Variants in IQGAP2 observed in about 807,000 individuals in gnomAD.
IQGAP2 encodes the protein IQ motif containing GTPase activating protein 2, also known as ras GTPase-activating-like protein IQGAP2.
Under a neutral mutation model 201.3 loss-of-function variants are expected in IQGAP2, and 173 were observed. The observed-to-expected ratio is 0.86, with a 90% CI of 0.76 to 0.98. The LOEUF (loss-of-function observed/expected upper bound fraction) is 0.98. IQGAP2 is among the 50% of genes least tolerant of loss of function. The probability of loss-of-function intolerance (pLI) is 0.00; values close to 1 mark genes in which losing one functional copy is unlikely to be tolerated. For synonymous variants in IQGAP2, 675 were observed against 673.9 expected (o/e 1.00, Z -0.03); for missense variants, 1,687 against 1,864.8 (o/e 0.90, Z 1.76).
chr5:76,574,931 A>G (rs1745365768), intron 4 of IQGAP2, among the ~76,000 whole-genome samples: 2 of 152,242 alleles, frequency 1.3e-5, no homozygotes, highest in Non-Finnish European at 2.9e-5. Flanking sequence ...AACGAATCAT[A>G]TACATCTATT....
At chr5:76,414,261 T>C (rs1000032028) in intron 1 of IQGAP2, among the ~76,000 whole-genome samples, 1 of 152,196 alleles carries the variant, frequency 6.6e-6, no homozygotes, top group African/African-American at 2.4e-5. Context: ...AGCAGGCTTC[T>C]CAGGGTGGGA....
chr5:76,571,098 TAA>T (rs200735086), intron 4 of IQGAP2, among the ~76,000 whole-genome samples: 9,845 of 132,570 alleles, frequency 0.074, 721 homozygotes, highest in East Asian at 0.43. Context: ...CTGTCTCTAT[TAA>T]AAAAAAAAAA....
chr5:76,550,468 G>C (rs778838917), intron 2 of IQGAP2, among the ~76,000 whole-genome samples: 2 of 151,890 alleles, frequency 1.3e-5, no homozygotes, highest in Non-Finnish European at 2.9e-5. Context: ...GTGAACAAGG[G>C]TCTCTGGTTT....
intron 1 of IQGAP2, among the ~76,000 whole-genome samples, chr5:76,456,499 AGGTTCT>A (rs1754092208): frequency 7.2e-5 from 11 of 152,284 alleles, no homozygotes; most frequent in African/African-American, 2.6e-4. Flanking sequence ...CTTGGACTTT[AGGTTCT>A]CTCATCTTTA....
chr5:76,685,080 A>G (rs1745620320), intron 30 of IQGAP2, among the ~76,000 whole-genome samples: 1 of 152,186 alleles, frequency 6.6e-6, no homozygotes, highest in Non-Finnish European at 1.5e-5. Flanking sequence ...GGTGGAGAGC[A>G]CAGTTCGACA....
chr5:76,586,833 C>A (rs114993561), intron 5 of IQGAP2, among the ~76,000 whole-genome samples: 16 of 152,320 alleles, frequency 1.1e-4, no homozygotes, highest in African/African-American at 3.6e-4. Context: ...GTCCATACAA[C>A]CATCTGGAAG....
At chr5:76,634,296 C>G (rs1750951397) in intron 15 of IQGAP2, among the ~76,000 whole-genome samples, 1 of 151,454 alleles carries the variant, frequency 6.6e-6, no homozygotes, top group Admixed American at 6.6e-5. Context: ...AAGTCTCACT[C>G]TGTCACCCAG....
At chr5:76,550,524 G>A (rs1213488059) in intron 2 of IQGAP2, among the ~76,000 whole-genome samples, 1 of 151,976 alleles carries the variant, frequency 6.6e-6, no homozygotes, top group African/African-American at 2.4e-5. Context: ...TTGTGTCCCT[G>A]GGTACTTGAG....
At chr5:76,688,210 G>A (rs1745956525) in intron 30 of IQGAP2, among the ~76,000 whole-genome samples, 1 of 152,202 alleles carries the variant, frequency 6.6e-6, no homozygotes. Context: ...ATGAAATGCA[G>A]AGCAATTGGG....
Position 76,431,817 on chromosome 5 carries a change from C to CA in IQGAP2, c.46+28244dup, listed in dbSNP as rs11292591. 5.7e-3 allele frequency among the ~76,000 whole-genome samples: 652 copies of CA among 114,076 alleles called. 2 individuals carry two copies. The highest frequency in any genetic ancestry group is 0.013 in the African/African-American group (435 of 32,468). The allele number at this position is 114,076 out of a possible 152,430, so 74.8% of individuals were successfully genotyped here. A position where few individuals can be genotyped will look rare whatever the true frequency, so the allele number is the denominator to read the frequency against. The stretch of plus-strand genomic sequence containing the variant: ...CAGCCTGGCGACAGAGACTCTGTAT[C>CA]AAAAAAAAAAAAAAAAAAGGAATGC... On this transcript the variant is annotated intron_variant, in intron 1 of 35. Coordinates refer to ENST00000274364, the MANE Select transcript of IQGAP2 (RefSeq NM_006633.5).
At chr5:76,648,937 TTG>T (rs141631875) in intron 17 of IQGAP2, among the ~76,000 whole-genome samples, 423 of 152,264 alleles carry the variant, frequency 2.8e-3, no homozygotes, top group African/African-American at 9.7e-3. Context: ...GATTTGACAT[TTG>T]TGTCATCGGA....
intron 2 of IQGAP2, among the ~76,000 whole-genome samples, chr5:76,532,918 G>A (rs1283803425): frequency 9.2e-5 from 14 of 152,234 alleles, no homozygotes; most frequent in Non-Finnish European, 1.8e-4. Flanking sequence ...AGGGGTGCCA[G>A]CACCTCTCTG....
intron 1 of IQGAP2, among the ~76,000 whole-genome samples, chr5:76,436,315 T>C (rs1258792588): frequency 6.6e-6 from 1 of 151,420 alleles, no homozygotes; most frequent in Non-Finnish European, 1.5e-5. Flanking sequence ...GGGAATGCTT[T>C]CAACTTTTCC....
intron 2 of IQGAP2, among the ~76,000 whole-genome samples, chr5:76,464,323 G>T (rs1339363253): frequency 6.6e-6 from 1 of 152,210 alleles, no homozygotes; most frequent in Non-Finnish European, 1.5e-5. Flanking sequence ...TTGAAAAGAT[G>T]AGAGGATTTA....
At chr5:76,586,106 C>A (rs1057218047) in intron 5 of IQGAP2, among the ~76,000 whole-genome samples, 1 of 152,062 alleles carries the variant, frequency 6.6e-6, no homozygotes, top group Admixed American at 6.5e-5. Flanking sequence ...TTGGCATGAA[C>A]CTTTGGTAGT....
chr5:76,461,573 T>G lies in IQGAP2; in HGVS notation c.50T>G (p.Ile17Ser). ...TGTTGTTATCCTCTATTTCTAGCTA[T>G]TGTGGACGATGAAAGGCTCTCTGCA... ...PSLQRPRYGS[I>S]VDDERLSAEE... The change falls in exon 2 of 36, where the codon ATT becomes AGT. Residue 17 changes from isoleucine to serine, a missense_variant. By Grantham distance (142) the Ile-to-Ser change is moderately radical. Coordinates refer to ENST00000274364, the MANE Select transcript of IQGAP2 (RefSeq NM_006633.5). 1 of 1,610,606 alleles carries G rather than the reference T, an allele frequency of 6.2e-7. No individual in the cohort carries two copies. Among genetic ancestry groups the G allele is most frequent in the Non-Finnish European group, 8.5e-7 (1 of 1,176,856 alleles).
In IQGAP2 at chr5:76,538,085, G is replaced by A. The variant is rs560768434; in HGVS notation, c.147-24311G>A. Among the ~76,000 whole-genome samples the A allele has an allele frequency of 5.9e-5, 9 of 152,276 alleles. No individual in the cohort carries two copies. The East Asian group carries it at 7.7e-4, about 13-fold the overall frequency. On this transcript the variant is annotated intron_variant, in intron 2 of 35. Coordinates refer to ENST00000274364, the MANE Select transcript of IQGAP2 (RefSeq NM_006633.5). Reference sequence around the variant, plus strand: ...TTAACAGACTCACAGTTCCACATGCGGCTAGGAAGGCCTCACAATCACGGC... The same window carrying A: ...TTAACAGACTCACAGTTCCACATGCAGCTAGGAAGGCCTCACAATCACGGC...
At chr5:76,641,142 A>T in intron 17 of IQGAP2, 39 bp downstream of exon 17, 1 of 1,433,220 alleles carries the variant, frequency 7.0e-7, no homozygotes, top group East Asian at 2.3e-5. Context: ...CAAAACTGTC[A>T]TATCACCTGA....
intron 17 of IQGAP2, among the ~76,000 whole-genome samples, chr5:76,651,877 A>G (rs1752542509): frequency 6.6e-6 from 1 of 152,182 alleles, no homozygotes. Flanking sequence ...TGAAATAACA[A>G]AATTTCATTT....
Sources: gnomAD v4.1 joint callset for allele counts (sites outside exome capture counted in the v4.1 genomes callset) on GRCh38, gnomAD v4.1.1 for gene constraint, MANE v1.5 for transcripts, NCBI Gene and HGNC (gene_info 2026-07-23, HGNC 2026-07-21) for gene names.